GRAMD2B: variants seen among roughly 807,000 people sequenced by gnomAD.
GRAMD2B encodes the protein GRAM domain containing 2B, also known as GRAM domain-containing protein 2B.
GRAMD2B carries 41 observed loss-of-function variants against 59.2 expected under a neutral mutation model. The observed-to-expected ratio is 0.69, with a 90% CI of 0.54 to 0.90. The LOEUF (loss-of-function observed/expected upper bound fraction) is 0.90, where lower values mean the gene tolerates loss of function less well. GRAMD2B is among the 40% of genes least tolerant of loss of function. The pLI is 0.00. For synonymous variants in GRAMD2B, 161 were observed against 182.7 expected, an observed-to-expected ratio of 0.88 and a Z score of 0.96; for missense variants, 424 against 500.5, an observed-to-expected ratio of 0.85 and a Z score of 1.46.
At chr5:126,422,428 ACCTCAAATGATCCACCCG>A (rs1759830776), upstream of GRAMD2B, among the ~76,000 whole-genome samples, 1 of 152,160 alleles carries the variant, frequency 6.6e-6, no homozygotes, top group Admixed American at 6.5e-5. Flanking sequence ...CGAACTCCTG[ACCTCAAATGATCCACCCG>A]CCTCGGCCTC....
intron 1 of GRAMD2B, among the ~76,000 whole-genome samples, chr5:126,396,830 C>T (rs1227790764): frequency 6.6e-6 from 1 of 152,172 alleles, no homozygotes; most frequent in African/African-American, 2.4e-5. Flanking sequence ...GCAAACTCAC[C>T]AGCATCTGCT....
chr5:126,487,779 G>A (rs1239498854), intron 12 of GRAMD2B, among the ~76,000 whole-genome samples: 1 of 152,196 alleles, frequency 6.6e-6, no homozygotes, highest in African/African-American at 2.4e-5. Flanking sequence ...GAGACTCAGA[G>A]TAATAATTAG....
At chr5:126,478,150 A>AAG (rs1457915658) in intron 6 of GRAMD2B, among the ~76,000 whole-genome samples, 1 of 149,948 alleles carries the variant, frequency 6.7e-6, no homozygotes, top group Non-Finnish European at 1.5e-5. Context: ...GAAAAAAAAA[A>AAG]AAAAAAAAAG....
rs867872424 is a variant in GRAMD2B, at chr5:126,423,647, C to A, written c.41C>A (p.Ala14Glu). ...LQQDVEDTKP[A>E]KVLGKRESKL... ...CAAGATGTGGAAGACACAAAGCCTGCGAAAGTGCTCGGGAAGAGGGAGAGC... is the reference window on the plus strand; with the variant it reads ...CAAGATGTGGAAGACACAAAGCCTGAGAAAGTGCTCGGGAAGAGGGAGAGC... Residue 14 changes from alanine (A) to glutamate (E), a missense_variant, in exon 1 of 14, where the codon GCG becomes GAG. Physicochemically the swap from Ala to Glu is moderately radical, Grantham distance 107. Coordinates refer to ENST00000285689, the MANE Select transcript of GRAMD2B (RefSeq NM_023927.4). 3.7e-6 allele frequency: 6 copies of A among 1,608,608 alleles called. No individual in the cohort carries two copies. Among genetic ancestry groups the A allele is most frequent in the Non-Finnish European group, 5.1e-6 (6 of 1,177,912 alleles).
intron 1 of GRAMD2B, among the ~76,000 whole-genome samples, chr5:126,424,218 A>T (rs1580895660): frequency 6.6e-6 from 1 of 152,208 alleles, no homozygotes; most frequent in Non-Finnish European, 1.5e-5. Context: ...CACACAGACA[A>T]GGTATGATAA....
chr5:126,381,372 T>C (rs1254967398), intron 1 of GRAMD2B, among the ~76,000 whole-genome samples: 1 of 152,184 alleles, frequency 6.6e-6, no homozygotes, highest in Non-Finnish European at 1.5e-5. Context: ...TTTTTTGTTA[T>C]GTCCTTTCCT....
At chr5:126,400,513 A>C (rs1055418294) in intron 1 of GRAMD2B, among the ~76,000 whole-genome samples, 1 of 151,934 alleles carries the variant, frequency 6.6e-6, no homozygotes, top group Non-Finnish European at 1.5e-5. Flanking sequence ...ACAAGATTAG[A>C]GTATTCTGAA....
In GRAMD2B at chr5:126,492,815, A is replaced by G; in HGVS notation, c.1258-100A>G. 5 of 714,308 alleles carry G rather than the reference A, an allele frequency of 7.0e-6. No individual in the cohort carries two copies. The Admixed American group carries it at 1.4e-4, about 20-fold the overall frequency. 44.2% of individuals were successfully genotyped at this position (714,308 alleles called of 1,614,324 possible). ...TTAACCCTTTTGTAGCTTTTTATTC[A>G]AAGTGGAATAATATAGAATGCTATA... On this transcript the variant is annotated intron_variant, in intron 13 of 13. Transcript: ENST00000285689.
intron 1 of GRAMD2B, among the ~76,000 whole-genome samples, chr5:126,454,681 T>G (rs1561547018): frequency 1.3e-5 from 2 of 152,172 alleles, no homozygotes; most frequent in Non-Finnish European, 2.9e-5. Context: ...AGAGGGGTCT[T>G]CTTTGAGACC....
At chr5:126,362,549 G>C (rs1754268080) in intron 1 of GRAMD2B, among the ~76,000 whole-genome samples, 1 of 152,054 alleles carries the variant, frequency 6.6e-6, no homozygotes. Flanking sequence ...AAAAGTCCTG[G>C]CCTTGGACTT....
At position 126,485,745 on chromosome 5, in the gene GRAMD2B, C is replaced by T; in HGVS notation, c.1030C>T (p.His344Tyr). 6 of 1,610,076 alleles carry T rather than the reference C, an allele frequency of 3.7e-6. No homozygotes were observed. Among genetic ancestry groups the T allele is most frequent in the Non-Finnish European group, 5.1e-6 (6 of 1,177,248 alleles). ...KVKSQKCPML[H>Y]HILIFYAIVV... is the part of the protein sequence containing the mutation. Reference sequence around the variant, plus strand: ...CAAGTCTCAGAAATGTCCGATGCTTCACCATATTCTTATATTCTATGCAAT... The same window carrying T: ...CAAGTCTCAGAAATGTCCGATGCTTTACCATATTCTTATATTCTATGCAAT... Residue 344 changes from histidine to tyrosine, a missense_variant, in exon 11 of 14, where the codon CAC becomes TAC. Transcript: ENST00000285689.
chr5:126,464,926 T>C (rs879581052), intron 1 of GRAMD2B, among the ~76,000 whole-genome samples: 1 of 152,132 alleles, frequency 6.6e-6, no homozygotes, highest in Admixed American at 6.5e-5. Context: ...TCCTACCTAG[T>C]CTGGGTGGTT....
At chr5:126,446,965 G>A (rs910021901) in intron 1 of GRAMD2B, among the ~76,000 whole-genome samples, 2 of 152,248 alleles carry the variant, frequency 1.3e-5, no homozygotes, top group Admixed American at 6.5e-5. Flanking sequence ...GCAAAGTAAA[G>A]CAAACTAAGG....
At chr5:126,418,544 A>G (rs1474944826), upstream of GRAMD2B, among the ~76,000 whole-genome samples, 1 of 152,192 alleles carries the variant, frequency 6.6e-6, no homozygotes, top group Non-Finnish European at 1.5e-5. Flanking sequence ...AAATATCTCA[A>G]TCTGCAGTGT....
At chr5:126,483,258 T>G (rs539247090) in intron 8 of GRAMD2B, among the ~76,000 whole-genome samples, 6 of 152,358 alleles carry the variant, frequency 3.9e-5, no homozygotes, top group Admixed American at 2.0e-4. Flanking sequence ...CAGTGTTTGT[T>G]GACAGAATTT....
At chr5:126,460,220 C>G (rs1178967763) in intron 1 of GRAMD2B, among the ~76,000 whole-genome samples, 1 of 152,166 alleles carries the variant, frequency 6.6e-6, no homozygotes, top group African/African-American at 2.4e-5. Flanking sequence ...CAGTCTCTCC[C>G]AGGAAGGACA....
chr5:126,484,574 C>A, intron 10 of GRAMD2B, 50 bp downstream of exon 10: 2 of 1,508,506 alleles, frequency 1.3e-6, no homozygotes, highest in South Asian at 2.6e-5. Flanking sequence ...TTGGAGATGT[C>A]TGTTTGTAAC....
intron 1 of GRAMD2B, among the ~76,000 whole-genome samples, chr5:126,434,802 C>T (rs1468203929): frequency 6.6e-6 from 1 of 152,190 alleles, no homozygotes; most frequent in Non-Finnish European, 1.5e-5. Flanking sequence ...GGGGCATGAG[C>T]CACCGTGCCC....
At chr5:126,371,914 G>A (rs1255660842) in intron 1 of GRAMD2B, among the ~76,000 whole-genome samples, 1 of 151,898 alleles carries the variant, frequency 6.6e-6, no homozygotes, top group East Asian at 1.9e-4. Flanking sequence ...ACCCCAAATC[G>A]ACTTTGGTAT....
Sources: gnomAD v4.1 joint callset for allele counts (sites outside exome capture counted in the v4.1 genomes callset) on GRCh38, gnomAD v4.1.1 for gene constraint, MANE v1.5 for transcripts, NCBI Gene and HGNC (gene_info 2026-07-23, HGNC 2026-07-21) for gene names.